The following GRIK2 variants were observed in gnomAD, a reference collection of about 807,000 sequenced individuals.
GRIK2 encodes glutamate ionotropic receptor kainate type subunit 2, also known as glutamate receptor ionotropic, kainate 2.
In GRIK2, 32 loss-of-function variants were observed where a neutral mutation model predicts 100.3. The ratio of observed to expected loss-of-function variants is 0.32; its 90% CI spans 0.24 to 0.43. GRIK2 has a LOEUF of 0.43. GRIK2 is among the 20% of genes least tolerant of loss of function. The probability of loss-of-function intolerance (pLI) is 1.00; values close to 1 mark genes in which losing one functional copy is unlikely to be tolerated. For synonymous variants in GRIK2, 417 were observed against 389.4 expected, an observed-to-expected ratio of 1.07 and a Z score of -0.83; for missense variants, 843 against 1,114.9, an observed-to-expected ratio of 0.76 and a Z score of 3.47.
intron 12 of GRIK2, among the ~76,000 whole-genome samples, chr6:101,909,137 A>C (rs906484400): frequency 2.0e-5 from 3 of 151,286 alleles, no homozygotes; most frequent in African/African-American, 7.3e-5. Flanking sequence ...CACAGGGATA[A>C]AATATTATTA....
chr6:101,755,447 A>G (rs996676020), intron 7 of GRIK2, among the ~76,000 whole-genome samples: 1 of 152,050 alleles, frequency 6.6e-6, no homozygotes, highest in Non-Finnish European at 1.5e-5. Flanking sequence ...GATTATAGGC[A>G]TGAGCCACCG....
intron 2 of GRIK2, among the ~76,000 whole-genome samples, chr6:101,463,781 T>C (rs1010706573): frequency 3.3e-5 from 5 of 151,920 alleles, no homozygotes; most frequent in African/African-American, 1.2e-4. Context: ...GCATGGAAAG[T>C]AGTATTTCCC....
chr6:101,728,945 T>C (rs1486251447), intron 7 of GRIK2, among the ~76,000 whole-genome samples: 2 of 151,134 alleles, frequency 1.3e-5, no homozygotes, highest in African/African-American at 4.8e-5. Flanking sequence ...TAATGGAATA[T>C]AGTTGTATTA....
At chr6:101,433,167 C>T (rs1268607638) in intron 2 of GRIK2, among the ~76,000 whole-genome samples, 1 of 152,154 alleles carries the variant, frequency 6.6e-6, no homozygotes, top group East Asian at 1.9e-4. Context: ...ATAATAACTA[C>T]TCTTGTTGCC....
At chr6:101,682,679 T>C in intron 6 of GRIK2, 73 bp downstream of exon 6, 1 of 707,494 alleles carries the variant, frequency 1.4e-6, no homozygotes, top group South Asian at 1.7e-5. Flanking sequence ...ATAGGTTTTT[T>C]AGTAAGAAGT....
In GRIK2 at chr6:101,398,965, C is replaced by T; in HGVS notation, c.-293-20C>T. ...AAGGCTGGGTTTCCTACTGATTTCC[C>T]TCCTCCTCTGCTTTCACAGGCTCGC... On this transcript the variant is annotated intron_variant, in intron 1 of 16. Transcript: ENST00000369134. 2.3e-6 allele frequency: 1 copy of T among 441,550 alleles called. No individual in the cohort carries two copies. The highest frequency in any genetic ancestry group is 4.0e-6 in the Non-Finnish European group (1 of 251,132). The allele number at this position is 441,550 out of a possible 1,614,324, so 27.4% of individuals were successfully genotyped here. A position where few individuals can be genotyped will look rare whatever the true frequency, so the allele number is the denominator to read the frequency against.
intron 2 of GRIK2, among the ~76,000 whole-genome samples, chr6:101,591,194 A>AT (rs148659120): frequency 0.091 from 13,105 of 144,284 alleles, 695 homozygotes; most frequent in Admixed American, 0.16. Flanking sequence ...TTTTTGTTCC[A>AT]TTTTTTTTTT....
At chr6:101,925,851 A>G (rs13202221) in intron 13 of GRIK2, among the ~76,000 whole-genome samples, 45,895 of 151,884 alleles carry the variant, frequency 0.3, 7,700 homozygotes, top group Non-Finnish European at 0.38. Flanking sequence ...AATTTTATGC[A>G]GAAATGCATT....
At chr6:101,883,138 G>T (rs1786373749) in intron 11 of GRIK2, among the ~76,000 whole-genome samples, 1 of 151,698 alleles carries the variant, frequency 6.6e-6, no homozygotes. Flanking sequence ...GAGATGGGAG[G>T]GTTGAAGTAC....
intron 2 of GRIK2, among the ~76,000 whole-genome samples, chr6:101,441,567 C>T (rs2518238): frequency 0.96 from 146,397 of 152,256 alleles, 70,425 homozygotes; most frequent in African/African-American, 0.99. Context: ...TCAATAGTTC[C>T]ACCTTGATAG....
At chr6:101,989,834 C>T (rs1794256417) in intron 14 of GRIK2, among the ~76,000 whole-genome samples, 1 of 151,240 alleles carries the variant, frequency 6.6e-6, no homozygotes, top group Admixed American at 6.6e-5. Flanking sequence ...TTCTCTATTT[C>T]CTTTGTGGAA....
intron 2 of GRIK2, among the ~76,000 whole-genome samples, chr6:101,506,838 T>C (rs1774048016): frequency 6.6e-6 from 1 of 151,990 alleles, no homozygotes. Context: ...AATTTTAGGG[T>C]TTTATATCAA....
chr6:101,549,667 A>G (rs9386283), intron 2 of GRIK2, among the ~76,000 whole-genome samples: 24,142 of 152,104 alleles, frequency 0.16, 2,197 homozygotes, highest in South Asian at 0.31. Context: ...CAGCCATCAA[A>G]ATGCTAGGGT....
intron 11 of GRIK2, among the ~76,000 whole-genome samples, chr6:101,878,766 ACTTCT>A (rs1174003970): frequency 1.3e-5 from 2 of 151,606 alleles, no homozygotes; most frequent in Middle Eastern, 3.4e-3. Flanking sequence ...ATCTTGTTTC[ACTTCT>A]CTTCTATTCA....
chr6:101,781,415 T>G (rs1562380296), intron 7 of GRIK2, among the ~76,000 whole-genome samples: 1 of 152,218 alleles, frequency 6.6e-6, no homozygotes, highest in Non-Finnish European at 1.5e-5. Context: ...TGATAACCTT[T>G]GATTTGTAGA....
intron 7 of GRIK2, among the ~76,000 whole-genome samples, chr6:101,687,889 A>T (rs1429648868): frequency 2.6e-5 from 4 of 151,358 alleles, no homozygotes; most frequent in African/African-American, 9.7e-5. Flanking sequence ...TTCAAAGTGG[A>T]GCCAGATTTA....
At chr6:101,861,469 G>GTGC (rs1474625859) in intron 11 of GRIK2, among the ~76,000 whole-genome samples, 1 of 152,092 alleles carries the variant, frequency 6.6e-6, no homozygotes, top group Non-Finnish European at 1.5e-5. Flanking sequence ...AAATATACCA[G>GTGC]TGCTTTCCTA....
rs532778542 is a variant in GRIK2 at position 101,780,103 on chromosome 6, A to G, written c.952-19545A>G. 7.9e-5 allele frequency among the ~76,000 whole-genome samples: 12 copies of G among 152,284 alleles called. No homozygotes were observed. The South Asian group carries it at 2.5e-3, about 32-fold the overall frequency. ...TTAGAGTTATGTTGAACCCTGAAGCATTCTTTAGAGGTAGCTATAATGTAT... is the reference window on the plus strand; with the variant it reads ...TTAGAGTTATGTTGAACCCTGAAGCGTTCTTTAGAGGTAGCTATAATGTAT... On this transcript the variant is annotated intron_variant, in intron 7 of 16. Coordinates refer to ENST00000369134, the MANE Select transcript of GRIK2 (RefSeq NM_021956.5).
intron 16 of GRIK2, among the ~76,000 whole-genome samples, chr6:102,060,070 C>T (rs1771670764): frequency 6.6e-6 from 1 of 150,606 alleles, no homozygotes; most frequent in South Asian, 2.1e-4. Flanking sequence ...ATCTTGAACA[C>T]ACATTTTTGT....
Sources: gnomAD v4.1 joint callset for allele counts (sites outside exome capture counted in the v4.1 genomes callset) on GRCh38, gnomAD v4.1.1 for gene constraint, MANE v1.5 for transcripts, NCBI Gene and HGNC (gene_info 2026-07-23, HGNC 2026-07-21) for gene names.